Variants in FLNB observed in about 807,000 individuals in gnomAD.
The protein encoded by FLNB is filamin-B.
In FLNB, 111 loss-of-function variants were observed where a neutral mutation model predicts 250.6. The ratio of observed to expected loss-of-function variants is 0.44; its 90% CI spans 0.38 to 0.52. The LOEUF (loss-of-function observed/expected upper bound fraction) is 0.52. FLNB is among the 20% of genes least tolerant of loss of function. The pLI is 0.00. For synonymous variants in FLNB, 1,302 were observed against 1,372.1 expected (o/e 0.95, Z 1.13); for missense variants, 2,869 against 3,447.8 (o/e 0.83, Z 4.20).
In FLNB at chr3:58,094,897, C is replaced by T. The variant is rs770546915; in HGVS notation, c.849C>T (p.Ser283=). ...CCAAGTTCACTGTGGACACCATCAGCGCCGGGCAAGGAGACGTGATGGTGT... is the reference window on the plus strand; with the variant it reads ...CCAAGTTCACTGTGGACACCATCAGTGCCGGGCAAGGAGACGTGATGGTGT... ...QPAKFTVDTI[S]AGQGDVMVFV... Residue 283 remains serine (S), a synonymous_variant, in exon 5 of 46, where the codon AGC becomes AGT. Coordinates refer to ENST00000295956, the MANE Select transcript of FLNB (RefSeq NM_001457.4). The T allele has an allele frequency of 5.5e-5, 89 of 1,614,042 alleles. No individual in the cohort carries two copies. The highest frequency in any genetic ancestry group is 1.3e-4 in the Admixed American group (8 of 60,002).
At chr3:58,049,669 T>A (rs921010764) in intron 1 of FLNB, among the ~76,000 whole-genome samples, 1 of 152,190 alleles carries the variant, frequency 6.6e-6, no homozygotes, top group Non-Finnish European at 1.5e-5. Flanking sequence ...TGAGTTCTGA[T>A]GAACTACCAG....
intron 8 of FLNB, among the ~76,000 whole-genome samples, chr3:58,100,895 G>T (rs1248816598): frequency 1.3e-5 from 2 of 151,838 alleles, no homozygotes; most frequent in Non-Finnish European, 2.9e-5. Flanking sequence ...CACCATGCCT[G>T]ACCTAATTTT....
At chr3:58,141,774 G>C in intron 29 of FLNB, 84 bp from the exon 30 acceptor site, 1 of 1,268,838 alleles carries the variant, frequency 7.9e-7, no homozygotes, top group South Asian at 1.2e-5. Flanking sequence ...ATGGAGCAGT[G>C]GGGGAAGCAG....
Position 58,169,361 on chromosome 3 carries a change from C to T in FLNB, c.7418-229C>T. ...TGGGAGGGTCCTTGGCCTTGTCAGCCAAGGCCAGACTCATCCATTTGCCCA... is the reference window on the plus strand; with the variant it reads ...TGGGAGGGTCCTTGGCCTTGTCAGCTAAGGCCAGACTCATCCATTTGCCCA... On this transcript the variant is annotated intron_variant, in intron 44 of 45. Coordinates refer to ENST00000295956, the MANE Select transcript of FLNB (RefSeq NM_001457.4). This position sits in a 1 kb window ranked among gnomAD's most constrained non-coding sequence, Gnocchi z 4.8. 1.8e-6 allele frequency: 1 copy of T among 563,936 alleles called. No individual in the cohort carries two copies. The highest frequency in any genetic ancestry group is 2.0e-5 in the South Asian group (1 of 49,810). The allele number at this position is 563,936 out of a possible 1,614,324, so 34.9% of individuals were successfully genotyped here.
rs555996467 is a variant in FLNB at position 58,153,278 on chromosome 3, C to T, written c.6368-97C>T. 17 of 1,432,702 alleles carry T rather than the reference C, an allele frequency of 1.2e-5. No individual in the cohort carries two copies. The African/African-American group carries it at 2.1e-4, about 18-fold the overall frequency. The allele number at this position is 1,432,702 out of a possible 1,614,324, so 88.7% of individuals were successfully genotyped here. On this transcript the variant is annotated intron_variant, in intron 38 of 45. Coordinates refer to ENST00000295956, the MANE Select transcript of FLNB (RefSeq NM_001457.4). ...GGCACCTCACGTCCACCGGGCTGCA[C>T]ACACCTTGCTCTCGGCTGCTTGCCC...
At chr3:58,060,328 G>A (rs933159611) in intron 1 of FLNB, among the ~76,000 whole-genome samples, 15 of 151,704 alleles carry the variant, frequency 9.9e-5, no homozygotes, top group African/African-American at 3.1e-4. Context: ...ATCAGCCTGG[G>A]CAACATGGTG....
chr3:58,048,000 C>G (rs1286065547), intron 1 of FLNB, among the ~76,000 whole-genome samples: 1 of 152,314 alleles, frequency 6.6e-6, no homozygotes, highest in Non-Finnish European at 1.5e-5. Flanking sequence ...CCAGGACATT[C>G]TTCTAACCAC....
At chr3:58,105,849 G>A (rs1295710371) in intron 11 of FLNB, among the ~76,000 whole-genome samples, 2 of 152,184 alleles carry the variant, frequency 1.3e-5, no homozygotes, top group Non-Finnish European at 1.5e-5. Context: ...TTAGCAACCC[G>A]TTTTAGGTAA....
intron 1 of FLNB, among the ~76,000 whole-genome samples, chr3:58,045,537 C>A (rs1221720731): frequency 6.6e-6 from 1 of 152,230 alleles, no homozygotes; most frequent in African/African-American, 2.4e-5. Flanking sequence ...GACAATTCTT[C>A]TTCTTCCAGT....
At position 58,141,864 on chromosome 3, in the gene FLNB, G is replaced by T. The variant is rs1316168433; in HGVS notation, c.5116G>T (p.Asp1706Tyr). ...PNSPFTVMAT[D>Y]GEVTAVEEAP... ...TCCATTTGCCACTGACCAGGCCACA[G>T]ATGGGGAAGTCACAGCCGTGGAGGA... The change falls in exon 30 of 46, where the codon GAT becomes TAT. Residue 1706 changes from aspartate to tyrosine, a missense_variant. Around this residue, in one of 5 missense-constraint regions of FLNB, gnomAD observed 1,084 missense variants for 1,315.5 expected, o/e 0.82. Coordinates refer to ENST00000295956, the MANE Select transcript of FLNB (RefSeq NM_001457.4). 3 of 1,614,068 alleles carry T rather than the reference G, an allele frequency of 1.9e-6. No homozygotes were observed. The highest frequency in any genetic ancestry group is 2.5e-6 in the Non-Finnish European group (3 of 1,179,998).
At chr3:58,070,405 G>A (rs2097192436) in intron 1 of FLNB, among the ~76,000 whole-genome samples, 2 of 152,218 alleles carry the variant, frequency 1.3e-5, no homozygotes, top group African/African-American at 4.8e-5. Context: ...AGTTGACCAT[G>A]GCCATTTCTA....
intron 6 of FLNB, among the ~76,000 whole-genome samples, chr3:58,096,874 T>C (rs1157077220): frequency 6.6e-6 from 1 of 152,168 alleles, no homozygotes; most frequent in Admixed American, 6.5e-5. Flanking sequence ...GCTGTCAGCA[T>C]TGAAGGCTGA....
intron 24 of FLNB, among the ~76,000 whole-genome samples, chr3:58,127,528 CT>C (rs2097300065): frequency 1.3e-5 from 2 of 152,128 alleles, no homozygotes; most frequent in African/African-American, 4.8e-5. Context: ...CACTATGACA[CT>C]TTGGGCTAGA....
chr3:58,108,620 C>G, intron 13 of FLNB, 49 bp downstream of exon 13: 1 of 1,204,652 alleles, frequency 8.3e-7, no homozygotes. Context: ...GTAACAAGAT[C>G]TGACCACGTA....
At position 58,170,736 on chromosome 3, in the gene FLNB, A is replaced by C. The variant is rs1395934921; in HGVS notation, c.7783A>C (p.Ser2595Arg). Reference sequence around the variant, plus strand: ...GTGGGGGGAGGAACACATCCCTGGCAGCCCTTTTCATGTCACAGTGCCTTA... The same window carrying C: ...GTGGGGGGAGGAACACATCCCTGGCCGCCCTTTTCATGTCACAGTGCCTTA... The part of the protein sequence containing the change: ...VKWGEEHIPG[S>R]PFHVTVP Residue 2595 changes from serine to arginine, a missense_variant, in exon 46 of 46, where the codon AGC becomes CGC. Coordinates refer to ENST00000295956, the MANE Select transcript of FLNB (RefSeq NM_001457.4). 1.2e-6 allele frequency: 2 copies of C among 1,614,070 alleles called. No homozygotes were observed. Among genetic ancestry groups the C allele is most frequent in the Non-Finnish European group, 1.7e-6 (2 of 1,180,028 alleles).
At chr3:58,106,608 T>G in intron 11 of FLNB, 72 bp from the exon 12 acceptor site, 14 of 1,411,216 alleles carry the variant, frequency 9.9e-6, no homozygotes, top group Non-Finnish European at 1.3e-5. Flanking sequence ...GCAGCGGGAA[T>G]GAGCTGTCGT....
In FLNB at chr3:58,103,265, G is replaced by GGTGTGTGTGT. The variant is rs10571409; in HGVS notation, c.1484-674_1484-665dup. On this transcript the variant is annotated intron_variant, in intron 9 of 45. Transcript: ENST00000295956. ...GATTATTCCAACAGGAGCCAAGGAG[G>GGTGTGTGTGT]GTGTGTGTGTGTGTGTGTGTGTGTG... 2.9e-3 allele frequency among the ~76,000 whole-genome samples: 424 copies of GGTGTGTGTGT among 148,166 alleles called. 2 individuals are homozygous for GGTGTGTGTGT. The highest frequency in any genetic ancestry group is 9.8e-3 in the African/African-American group (394 of 40,082).
chr3:58,126,726 G>T lies in FLNB; in HGVS notation c.4186G>T (p.Asp1396Tyr), dbSNP rs766688604. 1 of 1,613,938 alleles carries T rather than the reference G, an allele frequency of 6.2e-7. No individual in the cohort carries two copies. Among genetic ancestry groups the T allele is most frequent in the Non-Finnish European group, 8.5e-7 (1 of 1,179,886 alleles). ...CATTCCTTTCGCACCGGGGGATTAC[G>T]ATGTTAATATCACATATGGAGGAGC... ...EYIPFAPGDY[D>Y]VNITYGGAHI... The change falls in exon 24 of 46, where the codon GAT (aspartate) becomes TAT (tyrosine). Residue 1396 changes from aspartate to tyrosine, a missense_variant. Around this residue, in one of 5 missense-constraint regions of FLNB, gnomAD observed 1,348 missense variants for 1,466.7 expected, o/e 0.92. Transcript: ENST00000295956.
intron 4 of FLNB, among the ~76,000 whole-genome samples, chr3:58,083,967 G>A (rs552861272): frequency 1.3e-5 from 2 of 152,124 alleles, no homozygotes; most frequent in East Asian, 1.9e-4. Context: ...GCTGAGGCAG[G>A]CAGATCACAA....
Sources: allele counts gnomAD v4.1 joint callset (sites outside exome capture counted in the v4.1 genomes callset), GRCh38; gene constraint gnomAD v4.1.1; regional missense constraint gnomAD v4.1.1; non-coding constraint Gnocchi (gnomAD v3.1); transcripts MANE v1.5; gene names NCBI Gene and HGNC (gene_info 2026-07-23, HGNC 2026-07-21).